ATM: variants seen among roughly 807,000 people sequenced by gnomAD.
ATM encodes ATM serine/threonine kinase, also known as serine-protein kinase ATM.
Under a neutral mutation model 387.0 loss-of-function variants are expected in ATM, and 308 were observed. The observed-to-expected ratio is 0.80, with a 90% CI of 0.73 to 0.87. The LOEUF (loss-of-function observed/expected upper bound fraction) is 0.87. Ranked by LOEUF, ATM falls within the 40% of genes least tolerant of loss-of-function variation. The pLI, the probability that ATM is intolerant of heterozygous loss-of-function variation, is 0.00. For synonymous variants in ATM, 1,156 were observed against 1,187.3 expected (o/e 0.97, Z 0.54); for missense variants, 3,312 against 3,560.9 (o/e 0.93, Z 1.78).
rs561755010 is a variant in ATM, at chr11:108,313,880, TA to T, written c.6006+1383del. 2.6e-4 allele frequency among the ~76,000 whole-genome samples: 39 copies of T among 152,324 alleles called. No homozygotes were observed. The South Asian group carries it at 5.8e-3, about 23-fold the overall frequency. On this transcript the variant is annotated intron_variant, in intron 40 of 62. Coordinates refer to ENST00000675843, the MANE Select transcript of ATM (RefSeq NM_000051.4). ...GTATAGTTCCTAGTTTTTTCTATTT[TA>T]TTTTTTTTATGTTTTCATTTTTATT... is the stretch of plus-strand genomic sequence containing the variant.
chr11:108,277,379 C>G (rs2082001613), intron 22 of ATM, among the ~76,000 whole-genome samples: 1 of 152,124 alleles, frequency 6.6e-6, no homozygotes, highest in African/African-American at 2.4e-5. Context: ...GTGAATGGGT[C>G]CGTCTCGCTG....
chr11:108,274,338 G>C (rs950632955), intron 22 of ATM, among the ~76,000 whole-genome samples: 2 of 107,672 alleles, frequency 1.9e-5, no homozygotes, highest in African/African-American at 6.0e-5. Flanking sequence ...TTTTTGAAAG[G>C]TTTTTTTTGT....
chr11:108,241,516 C>T (rs918661175), intron 5 of ATM, among the ~76,000 whole-genome samples: 7 of 152,008 alleles, frequency 4.6e-5, no homozygotes. Flanking sequence ...TGTGCTATGA[C>T]ATCACTAAGT....
chr11:108,265,464 C>T (rs2081173528), intron 16 of ATM, among the ~76,000 whole-genome samples: 1 of 152,160 alleles, frequency 6.6e-6, no homozygotes, highest in Admixed American at 6.5e-5. Flanking sequence ...CTTCCTTACA[C>T]CTGATAGAAA....
At chr11:108,282,196 C>T (rs1170253777) in intron 24 of ATM, among the ~76,000 whole-genome samples, 2 of 151,056 alleles carry the variant, frequency 1.3e-5, no homozygotes, top group Non-Finnish European at 2.9e-5. Flanking sequence ...GGCATGATCT[C>T]GGCTCACTGC....
rs2135343108 is a variant in ATM at position 108,251,981 on chromosome 11, G to A, written c.1752G>A (p.Gln584=). The A allele has an allele frequency of 2.5e-6, 4 of 1,613,650 alleles. No homozygotes were observed. Among genetic ancestry groups the A allele is most frequent in the Non-Finnish European group, 3.4e-6 (4 of 1,179,788 alleles). ...TAATGAAATGGCTCTTATTCTATCA[G>A]TTAGAGGGTGACTTAGAAAATAGCA... ...ESIMKWLLFY[Q]LEGDLENSTE... The change falls in exon 11 of 63, where the codon CAG becomes CAA. Residue 584 remains glutamine, a synonymous_variant. Transcript: ENST00000675843.
chr11:108,258,036 A>G (rs1350056113), intron 15 of ATM, among the ~76,000 whole-genome samples: 3 of 152,024 alleles, frequency 2.0e-5, no homozygotes, highest in East Asian at 1.9e-4. Context: ...AGCTGGGACT[A>G]CAAGTGTACA....
intron 60 of ATM, 36 bp from the exon 61 acceptor site, chr11:108,354,775 T>C (rs1468001361): frequency 1.3e-6 from 2 of 1,571,024 alleles, no homozygotes; most frequent in Non-Finnish European, 1.8e-6. Context: ...CATTGGTGTG[T>C]AACAAAATCC....
Position 108,329,196 on chromosome 11 carries a change from A to G in ATM, c.7265A>G (p.Glu2422Gly), listed in dbSNP as rs758614348. The stretch of plus-strand genomic sequence containing the variant: ...CAAGCTCTCCTGAAAAGAGCCAAAG[A>G]GGAAGTAGGTCTCCTTAGGGAACAT... ...NKQALLKRAK[E>G]EVGLLREHKI... The change falls in exon 49 of 63, where the codon GAG becomes GGG. Residue 2422 changes from glutamate (E) to glycine (G), a missense_variant. Around this residue, in one of 4 missense-constraint regions of ATM, gnomAD observed 1,405 missense variants for 1,604.4 expected, o/e 0.88. Coordinates refer to ENST00000675843, the MANE Select transcript of ATM (RefSeq NM_000051.4). The G allele has an allele frequency of 1.2e-6, 2 of 1,614,090 alleles. No homozygotes were observed. Among genetic ancestry groups the G allele is most frequent in the Non-Finnish European group, 1.7e-6 (2 of 1,179,970 alleles).
intron 46 of ATM, 109 bp from the exon 47 acceptor site, chr11:108,325,949 G>GTTAAGGA: frequency 2.2e-6 from 3 of 1,340,018 alleles, no homozygotes; most frequent in Non-Finnish European, 3.1e-6. Context: ...TCCCTGACAA[G>GTTAAGGA]TAGTTAAGTC....
chr11:108,360,314 A>G (rs1194081511), intron 61 of ATM, among the ~76,000 whole-genome samples: 2 of 152,084 alleles, frequency 1.3e-5, no homozygotes, highest in Non-Finnish European at 2.9e-5. Context: ...ATAGTTTACC[A>G]AACAAAAAGA....
intron 33 of ATM, 107 bp from the exon 34 acceptor site, chr11:108,299,607 T>C: frequency 8.4e-7 from 1 of 1,189,132 alleles, no homozygotes; most frequent in African/African-American, 1.5e-5. Context: ...TTAAGGTTAA[T>C]TCTTGAAGTA....
In ATM at chr11:108,282,827, T is replaced by A. The variant is rs183532834; in HGVS notation, c.3694T>A (p.Ser1232Thr). Reference protein sequence around the residue: ...LNLQDTEYNLSSFPFILLNYT... With the variant: ...LNLQDTEYNLTSFPFILLNYT... ...TCTTCAAGATACTGAATACAACTTA[T>A]CTTCTTTTCCTTTTATTTTATTAAA... Residue 1232 changes from serine (S) to threonine (T), a missense_variant, in exon 25 of 63, where the codon TCT becomes ACT. Physicochemically the swap from Ser to Thr is moderately conservative, Grantham distance 58 (BLOSUM62 1). This residue lies in a region of ATM where 1,791 missense variants were observed against 1,804.5 expected (regional missense o/e 0.99). Coordinates refer to ENST00000675843, the MANE Select transcript of ATM (RefSeq NM_000051.4). 1.9e-6 allele frequency: 3 copies of A among 1,546,278 alleles called. No individual in the cohort carries two copies. The highest frequency in any genetic ancestry group is 2.7e-6 in the Non-Finnish European group (3 of 1,120,508).
chr11:108,304,832 C>T lies in ATM; in HGVS notation c.5654C>T (p.Thr1885Ile), dbSNP rs2083606342. 1 of 1,614,046 alleles carries T rather than the reference C, an allele frequency of 6.2e-7. No homozygotes were observed. Among genetic ancestry groups the T allele is most frequent in the East Asian group, 2.2e-5 (1 of 44,860 alleles). The change falls in exon 37 of 63, where the codon ACC (threonine) becomes ATC (isoleucine). Residue 1885 changes from threonine (T) to isoleucine (I), a missense_variant. Coordinates refer to ENST00000675843, the MANE Select transcript of ATM (RefSeq NM_000051.4). ...TTCTCGCAAACGAGCCGATCCACAA[C>T]CCCTGCAAACTTGGATTCAGGTATT... ...RHFSQTSRST[T>I]PANLDSESEH...
Position 108,293,191 on chromosome 11 carries a change from G to T in ATM, c.4612-122G>T, listed in dbSNP as rs4988009. The stretch of plus-strand genomic sequence containing the variant: ...AAACTAAAAGCTGGGTATCTTAGAC[G>T]TAATTAGAACATTTAATCTGATCTA... On this transcript the variant is annotated intron_variant, in intron 30 of 62. Coordinates refer to ENST00000675843, the MANE Select transcript of ATM (RefSeq NM_000051.4). The T allele has an allele frequency of 8.2e-3, 5,556 of 678,378 alleles. 247 individuals are homozygous for T. The African/African-American group carries it at 0.089, about 11-fold the overall frequency. The allele number at this position is 678,378 out of a possible 1,614,324, so 42.0% of individuals were successfully genotyped here.
chr11:108,340,437 T>C (rs1203158563), intron 56 of ATM: 1 of 152,142 alleles, frequency 6.6e-6, no homozygotes, highest in African/African-American at 2.4e-5. Flanking sequence ...TTCACAAAAA[T>C]TCCTAAATGT....
intron 16 of ATM, among the ~76,000 whole-genome samples, 155 bp downstream of exon 16, chr11:108,259,230 C>T (rs1286447900): frequency 6.6e-6 from 1 of 152,206 alleles, no homozygotes; most frequent in Non-Finnish European, 1.5e-5. Context: ...TGGCTCATGC[C>T]TGTAACCCCA....
chr11:108,271,822 G>A (rs146923997), intron 20 of ATM, among the ~76,000 whole-genome samples: 139 of 152,258 alleles, frequency 9.1e-4, no homozygotes, highest in African/African-American at 3.2e-3. Flanking sequence ...TAGAACCCTT[G>A]TACTATCTGA....
At position 108,267,307 on chromosome 11, in the gene ATM, A is replaced by G. The variant is rs750322758; in HGVS notation, c.2603A>G (p.Asp868Gly). ...GATTACCCTGATAGTAGTGTTAGTGATGCAAACGAACCTGGAGAGAGCCAA... is the reference window on the plus strand; with the variant it reads ...GATTACCCTGATAGTAGTGTTAGTGGTGCAAACGAACCTGGAGAGAGCCAA... ...FNDYPDSSVS[D>G]ANEPGESQST... The change falls in exon 17 of 63, where the codon GAT becomes GGT. Residue 868 changes from aspartate to glycine, a missense_variant. This residue lies in a region of ATM where 1,791 missense variants were observed against 1,804.5 expected (regional missense o/e 0.99). Transcript: ENST00000675843. The G allele has an allele frequency of 3.2e-5, 51 of 1,614,000 alleles. No homozygotes were observed. The highest frequency in any genetic ancestry group is 4.2e-6 in the Non-Finnish European group (5 of 1,180,010).
Sources: allele counts gnomAD v4.1 joint callset (sites outside exome capture counted in the v4.1 genomes callset), GRCh38; gene constraint gnomAD v4.1.1; regional missense constraint gnomAD v4.1.1; transcripts MANE v1.5; gene names NCBI Gene and HGNC (gene_info 2026-07-23, HGNC 2026-07-21).